Variants in UNC13B observed in about 807,000 individuals in gnomAD.
The protein encoded by UNC13B is protein unc-13 homolog B.
A neutral mutation model predicts 211.0 loss-of-function variants in UNC13B; 144 were observed. The ratio of observed to expected loss-of-function variants is 0.68; its 90% confidence interval spans 0.60 to 0.78. The LOEUF (loss-of-function observed/expected upper bound fraction) is 0.78, where lower values mean the gene tolerates loss of function less well. Among genes scored for constraint, UNC13B ranks in the 30% least tolerant of loss-of-function variants. The probability of loss-of-function intolerance (pLI) is 0.00; values close to 1 mark genes in which losing one functional copy is unlikely to be tolerated. For missense variants in UNC13B, 1,777 were observed against 2,002.0 expected (o/e 0.89, Z 2.14); for synonymous variants, 709 against 725.8 (o/e 0.98, Z 0.37).
At chr9:35,254,985 TG>T (rs1826758930) in intron 6 of UNC13B, among the ~76,000 whole-genome samples, 2 of 120,482 alleles carry the variant, frequency 1.7e-5, no homozygotes, top group African/African-American at 6.4e-5. Context: ...TATTAATATA[TG>T]TATATATTAT....
intron 1 of UNC13B, among the ~76,000 whole-genome samples, chr9:35,225,013 A>G (rs1389448503): frequency 6.6e-6 from 1 of 152,180 alleles, no homozygotes; most frequent in Non-Finnish European, 1.5e-5. Flanking sequence ...ACTCTCAAAA[A>G]ATTACACATT....
intron 6 of UNC13B, among the ~76,000 whole-genome samples, chr9:35,256,499 G>A (rs905937546): frequency 3.3e-5 from 5 of 152,068 alleles, no homozygotes; most frequent in Non-Finnish European, 5.9e-5. Context: ...TCAGATTAAG[G>A]AAATTCTATT....
intron 11 of UNC13B, among the ~76,000 whole-genome samples, chr9:35,338,861 T>C (rs1363977291): frequency 2.0e-5 from 3 of 152,212 alleles, no homozygotes; most frequent in Non-Finnish European, 4.4e-5. Context: ...CTAGACCAGT[T>C]GTATCTGACG....
At chr9:35,362,784 A>G (rs1251267635) in intron 11 of UNC13B, among the ~76,000 whole-genome samples, 1 of 143,662 alleles carries the variant, frequency 7.0e-6, no homozygotes, top group Non-Finnish European at 1.5e-5. Flanking sequence ...TGGGCAATAG[A>G]GCGAGACTCC....
chr9:35,401,290 A>T (rs1172980741), intron 37 of UNC13B, among the ~76,000 whole-genome samples: 1 of 152,204 alleles, frequency 6.6e-6, no homozygotes, highest in Non-Finnish European at 1.5e-5. Flanking sequence ...GGCTCTAAGC[A>T]GGTAGACTGG....
intron 2 of UNC13B, 151 bp downstream of exon 2, chr9:35,228,195 T>A (rs1457074992): frequency 1.3e-6 from 1 of 743,484 alleles, no homozygotes; most frequent in Non-Finnish European, 2.1e-6. Flanking sequence ...TAGTGAAAAA[T>A]TAGTTTTCTT....
rs1345918745 is a variant in UNC13B at position 35,301,914 on chromosome 9, G to T, written c.2510G>T (p.Arg837Leu). The T allele has an allele frequency of 1.0e-5, 4 of 398,656 alleles. No individual in the cohort carries two copies. Among genetic ancestry groups the T allele is most frequent in the African/African-American group, 6.2e-5 (3 of 48,616 alleles). 24.7% of individuals were successfully genotyped at this position (398,656 alleles called of 1,614,324 possible). A position where few individuals can be genotyped will look rare whatever the true frequency, so the allele number is the denominator to read the frequency against. ...AGTTTGTCAGAACCTGTGAAAATTC[G>T]CCAGGTGGAGGAAGATGGTTTAGAA... is the stretch of plus-strand genomic sequence containing the variant. ...KESLSEPVKI[R>L]QVEEDGLERG... The change falls in exon 9 of 40, where the codon CGC (arginine) becomes CTC (leucine). Residue 837 changes from arginine to leucine, a missense_variant. Arg to Leu is a moderately radical substitution (Grantham distance 102). Transcript: ENST00000635942.
chr9:35,196,299 T>A (rs956205162), intron 1 of UNC13B, among the ~76,000 whole-genome samples: 1 of 152,220 alleles, frequency 6.6e-6, no homozygotes, highest in Non-Finnish European at 1.5e-5. Context: ...AGTGCCACAA[T>A]GTTTGGAAAT....
intron 1 of UNC13B, among the ~76,000 whole-genome samples, chr9:35,200,057 A>G (rs1823189366): frequency 6.6e-6 from 1 of 152,208 alleles, no homozygotes; most frequent in African/African-American, 2.4e-5. Context: ...CTTTCTACAT[A>G]TGGCTAGCCA....
rs541221911 is a variant in UNC13B, at chr9:35,381,686, G to A, written c.10622G>A (p.Arg3541His). Reference sequence around the variant, plus strand: ...GAAATTGTGGATGAATTTGCCATGCGTTATGGCATTGAGTCCATATATCAG... The same window carrying A: ...GAAATTGTGGATGAATTTGCCATGCATTATGGCATTGAGTCCATATATCAG... ...AQEIVDEFAM[R>H]YGIESIYQAM... Residue 3541 changes from arginine (R) to histidine (H), a missense_variant, in exon 20 of 40, where the codon CGT (arginine) becomes CAT (histidine). Arg to His is a conservative substitution (Grantham distance 29). Coordinates refer to ENST00000635942, the MANE Select transcript of UNC13B (RefSeq NM_001371189.2). The A allele has an allele frequency of 2.7e-5, 44 of 1,614,130 alleles. No individual in the cohort carries two copies. In the Admixed American group the frequency reaches 3.7e-4, roughly 13 times the overall value.
chr9:35,390,649 TGGGAAAAGTCAGC>T lies in UNC13B; in HGVS notation c.11245_11257del (p.Gly3749GlnfsTer3). 1 of 1,614,106 alleles carries T rather than the reference TGGGAAAAGTCAGC, an allele frequency of 6.2e-7. No homozygotes were observed. On this transcript the variant is annotated frameshift_variant, in exon 26 of 40. Transcript: ENST00000635942. LOFTEE classifies it high-confidence loss of function. ...TCCAGGTTTCCTCAGGAGTTGAATG[TGGGAAAAGTCAGC>T]GCAGAAGTGATGTGGCATTTGTTTG...
chr9:35,399,305 T>C (rs754384889), intron 34 of UNC13B, 21 bp downstream of exon 34: 5 of 1,614,158 alleles, frequency 3.1e-6, no homozygotes, highest in Admixed American at 1.7e-5. Context: ...CTCCTTCCAC[T>C]TCCTCCTGCT....
intron 7 of UNC13B, among the ~76,000 whole-genome samples, chr9:35,266,845 G>A (rs1024520537): frequency 6.6e-6 from 1 of 152,098 alleles, no homozygotes; most frequent in African/African-American, 2.4e-5. Context: ...ACCATTTCTA[G>A]CATTTAGGCT....
rs1834505147 is a variant in UNC13B, at chr9:35,377,525, T to C, written c.9893T>C (p.Met3298Thr). 1 of 1,614,218 alleles carries C rather than the reference T, an allele frequency of 6.2e-7. No homozygotes were observed. Among genetic ancestry groups the C allele is most frequent in the Non-Finnish European group, 8.5e-7 (1 of 1,180,042 alleles). The stretch of plus-strand genomic sequence containing the variant: ...GAGGACCGGACCCAGAACATTATCA[T>C]GGCCATGAAGGACCGCATGAAGATC... ...GAEDRTQNII[M>T]AMKDRMKIRE... The change falls in exon 16 of 40, where the codon ATG becomes ACG. Residue 3298 changes from methionine to threonine, a missense_variant. Transcript: ENST00000635942.
chr9:35,343,071 T>TGC (rs1306634079), intron 11 of UNC13B, among the ~76,000 whole-genome samples: 2 of 152,264 alleles, frequency 1.3e-5, no homozygotes, highest in African/African-American at 4.8e-5. Flanking sequence ...ACTTGTGTCT[T>TGC]GCATGTATGA....
At chr9:35,259,798 G>GT (rs1461764372) in intron 7 of UNC13B, among the ~76,000 whole-genome samples, 3 of 142,036 alleles carry the variant, frequency 2.1e-5, no homozygotes, top group African/African-American at 5.2e-5. Context: ...GGGGGATGCG[G>GT]GGGGGGGGGA....
At chr9:35,333,972 T>G (rs1043965350) in intron 11 of UNC13B, among the ~76,000 whole-genome samples, 13 of 151,880 alleles carry the variant, frequency 8.6e-5, no homozygotes, top group South Asian at 2.1e-4. Flanking sequence ...TTGTTTTTTT[T>G]TTTGTTTTTT....
chr9:35,269,861 C>T (rs948231947), intron 7 of UNC13B, among the ~76,000 whole-genome samples: 1 of 151,970 alleles, frequency 6.6e-6, no homozygotes, highest in Non-Finnish European at 1.5e-5. Context: ...CTTCGCATAC[C>T]CCCACCCCTC....
chr9:35,207,955 T>C (rs758124335), intron 1 of UNC13B, among the ~76,000 whole-genome samples: 5 of 152,260 alleles, frequency 3.3e-5, no homozygotes, highest in Non-Finnish European at 5.9e-5. Context: ...TCAGCTATTA[T>C]AGTCAGATCT....
Sources: gnomAD v4.1 joint callset for allele counts (sites outside exome capture counted in the v4.1 genomes callset) on GRCh38, gnomAD v4.1.1 for gene constraint, MANE v1.5 for transcripts, NCBI Gene and HGNC (gene_info 2026-07-23, HGNC 2026-07-21) for gene names.